The following ANKS1B variants were observed in gnomAD, a reference collection of about 807,000 sequenced individuals.
ANKS1B encodes the protein ankyrin repeat and sterile alpha motif domain containing 1B, also known as ankyrin repeat and sterile alpha motif domain-containing protein 1B.
A neutral mutation model predicts 148.3 loss-of-function variants in ANKS1B; 36 were observed. That is an observed-to-expected ratio of 0.24 (90% confidence interval 0.19 to 0.32). ANKS1B has a LOEUF of 0.32. ANKS1B is among the 10% of genes least tolerant of loss of function. ANKS1B has a pLI of 1.00. For synonymous variants in ANKS1B, 542 were observed against 560.8 expected (o/e 0.97, Z 0.47); for missense variants, 1,157 against 1,542.6 (o/e 0.75, Z 4.19).
chr12:98,776,312 C>T lies in ANKS1B; in HGVS notation c.3442-3133G>A, dbSNP rs559780172. 1.1e-4 allele frequency among the ~76,000 whole-genome samples: 16 copies of T among 152,310 alleles called. No individual in the cohort carries two copies. In the South Asian group the frequency reaches 3.3e-3, roughly 32 times the overall value. On this transcript the variant is annotated intron_variant, in intron 24 of 26. Transcript: ENST00000683438. ...TTTTCCACAAATTAAAAAGTGATGT[C>T]ATGAAGAGGTACAGGTGATGCACCT...
At chr12:99,941,845 A>G (rs377384464) in intron 1 of ANKS1B, among the ~76,000 whole-genome samples, 1 of 152,286 alleles carries the variant, frequency 6.6e-6, no homozygotes. Context: ...AATTTTGAGA[A>G]CAGAAACTAA....
chr12:99,664,676 G>T (rs907666535), intron 8 of ANKS1B, among the ~76,000 whole-genome samples: 1 of 152,092 alleles, frequency 6.6e-6, no homozygotes, highest in Non-Finnish European at 1.5e-5. Context: ...TTCCATCACC[G>T]CAAAAGGTTA....
At chr12:99,334,811 C>T (rs2088439815) in intron 12 of ANKS1B, among the ~76,000 whole-genome samples, 1 of 151,974 alleles carries the variant, frequency 6.6e-6, no homozygotes, top group Non-Finnish European at 1.5e-5. Context: ...GGCAAGGTGT[C>T]CCAGGAGACT....
At chr12:99,927,670 A>G (rs1277089585) in intron 1 of ANKS1B, among the ~76,000 whole-genome samples, 1 of 152,082 alleles carries the variant, frequency 6.6e-6, no homozygotes, top group Non-Finnish European at 1.5e-5. Flanking sequence ...TAATACCAGC[A>G]CTTTGGGAAG....
chr12:99,699,160 C>T (rs920222405), intron 8 of ANKS1B, among the ~76,000 whole-genome samples: 10 of 152,264 alleles, frequency 6.6e-5, no homozygotes, highest in Admixed American at 1.3e-4. Context: ...GCCCCCCTGC[C>T]ACCCACTTCA....
intron 1 of ANKS1B, among the ~76,000 whole-genome samples, chr12:99,950,049 C>T (rs1403420649): frequency 6.6e-6 from 1 of 151,174 alleles, no homozygotes; most frequent in African/African-American, 2.4e-5. Context: ...CAGGCTAAAG[C>T]AATTCTCTCA....
intron 10 of ANKS1B, among the ~76,000 whole-genome samples, chr12:99,466,715 T>C (rs1042608018): frequency 6.6e-6 from 1 of 151,964 alleles, no homozygotes. Flanking sequence ...CCTTGACACA[T>C]ACACCCTCCC....
chr12:99,918,899 CTTT>C (rs888220486), intron 1 of ANKS1B, among the ~76,000 whole-genome samples: 1 of 152,138 alleles, frequency 6.6e-6, no homozygotes, highest in African/African-American at 2.4e-5. Context: ...AAAAAGATGT[CTTT>C]ATAACAAATT....
intron 10 of ANKS1B, among the ~76,000 whole-genome samples, chr12:99,482,242 C>A (rs1490187175): frequency 1.3e-5 from 2 of 151,948 alleles, no homozygotes; most frequent in Non-Finnish European, 2.9e-5. Context: ...CATTCTTCTA[C>A]ATGTGGCTTG....
At chr12:99,962,660 C>T (rs905959853) in intron 1 of ANKS1B, among the ~76,000 whole-genome samples, 6 of 152,236 alleles carry the variant, frequency 3.9e-5, no homozygotes, top group Admixed American at 3.9e-4. Context: ...ATTTATATGC[C>T]CACCAACAGT....
intron 12 of ANKS1B, among the ~76,000 whole-genome samples, chr12:99,380,219 G>T (rs1443055552): frequency 1.3e-5 from 2 of 152,144 alleles, no homozygotes; most frequent in Non-Finnish European, 2.9e-5. Context: ...TAATTTATTG[G>T]TTGCCTAAAT....
At chr12:99,523,060 G>A (rs1011038691) in intron 9 of ANKS1B, among the ~76,000 whole-genome samples, 1 of 152,140 alleles carries the variant, frequency 6.6e-6, no homozygotes, top group Non-Finnish European at 1.5e-5. Context: ...TGGCCTAGAG[G>A]CTTTTCTAGA....
chr12:98,874,757 G>A (rs2099683486), intron 17 of ANKS1B, among the ~76,000 whole-genome samples: 1 of 152,096 alleles, frequency 6.6e-6, no homozygotes, highest in South Asian at 2.1e-4. Context: ...AATATTTGCA[G>A]AAATGCACAC....
At chr12:99,133,899 C>T (rs1053268290) in intron 15 of ANKS1B, among the ~76,000 whole-genome samples, 2 of 152,186 alleles carry the variant, frequency 1.3e-5, no homozygotes, top group African/African-American at 4.8e-5. Context: ...TTCAACTCAA[C>T]CCAATGGAAT....
At chr12:98,882,749 T>C (rs1458471091) in intron 17 of ANKS1B, among the ~76,000 whole-genome samples, 5 of 144,132 alleles carry the variant, frequency 3.5e-5, no homozygotes, top group East Asian at 2.0e-4. Context: ...GTAACTGCCA[T>C]ACTGCAAAAA....
chr12:99,724,454 G>T (rs1386537069), intron 8 of ANKS1B, among the ~76,000 whole-genome samples: 1 of 151,964 alleles, frequency 6.6e-6, no homozygotes, highest in African/African-American at 2.4e-5. Flanking sequence ...CAAGATTAGA[G>T]GAAAAAGAAT....
Position 99,802,940 on chromosome 12 carries a change from A to C in ANKS1B, c.669+3464T>G, listed in dbSNP as rs144855621. Among the ~76,000 whole-genome samples, 481 of 152,016 alleles carry C rather than the reference A, an allele frequency of 3.2e-3. 2 individuals are homozygous for C. Among genetic ancestry groups the C allele is most frequent in the African/African-American group, 0.011 (455 of 41,482 alleles). ...AAAAAAAAAAAAAGTAAAATAAAATAAAATCACATGTAACTACTAGGAAAA... is the reference window on the plus strand; with the variant it reads ...AAAAAAAAAAAAAGTAAAATAAAATCAAATCACATGTAACTACTAGGAAAA... On this transcript the variant is annotated intron_variant, in intron 4 of 26. Transcript: ENST00000683438.
chr12:98,964,412 G>T (rs979796362), intron 17 of ANKS1B, among the ~76,000 whole-genome samples: 3 of 152,090 alleles, frequency 2.0e-5, no homozygotes, highest in Non-Finnish European at 4.4e-5. Flanking sequence ...AATTAAAATG[G>T]AACTATCATG....
In ANKS1B at chr12:99,121,641, T is replaced by C. The variant is rs149072746; in HGVS notation, c.2526+32648A>G. Among the ~76,000 whole-genome samples, 653 of 152,284 alleles carry C rather than the reference T, an allele frequency of 4.3e-3. 15 individuals carry two copies. The highest frequency in any genetic ancestry group is 9.1e-4 in the Non-Finnish European group (62 of 68,016). Reference sequence around the variant, plus strand: ...GCAGGATCAGTAGGATGCGCTGCGATGTATCCTGGCAGTGGAGAGGAAAGT... The same window carrying C: ...GCAGGATCAGTAGGATGCGCTGCGACGTATCCTGGCAGTGGAGAGGAAAGT... On this transcript the variant is annotated intron_variant, in intron 15 of 26. Coordinates refer to ENST00000683438, the MANE Select transcript of ANKS1B (RefSeq NM_001352186.2).
Sources: gnomAD v4.1 joint callset for allele counts (sites outside exome capture counted in the v4.1 genomes callset) on GRCh38, gnomAD v4.1.1 for gene constraint, MANE v1.5 for transcripts, NCBI Gene and HGNC (gene_info 2026-07-23, HGNC 2026-07-21) for gene names.